KLF6: variants seen among roughly 807,000 people sequenced by gnomAD.
KLF6 encodes the protein Krueppel-like factor 6.
For synonymous variants in KLF6, 152 were observed against 147.9 expected (o/e 1.03, Z -0.20); for missense variants, 233 against 359.8 (o/e 0.65, Z 2.85).
At position 3,776,516 on chromosome 10, in the gene KLF6, A is replaced by G; in HGVS notation, c.*3023T>C. 1.9e-6 allele frequency: 1 copy of G among 529,526 alleles called. No individual in the cohort carries two copies. The highest frequency in any genetic ancestry group is 3.7e-6 in the Non-Finnish European group (1 of 273,352). The allele number at this position is 529,526 out of a possible 1,614,324, so 32.8% of individuals were successfully genotyped here. On this transcript the variant is annotated 3_prime_UTR_variant, in exon 4 of 4. Coordinates refer to ENST00000497571, the MANE Select transcript of KLF6 (RefSeq NM_001300.6). ...GAATGCAGGAGGAATCTGTTCCAAC[A>G]ACCCCCTTCCCCCAAAAAAAACAAC...
intron 1 of KLF6, among the ~76,000 whole-genome samples, chr10:3,783,613 C>A (rs1832581750): frequency 6.6e-6 from 1 of 152,176 alleles, no homozygotes; most frequent in Non-Finnish European, 1.5e-5. Flanking sequence ...CGAAACCAGG[C>A]GTCTGAGTTA....
chr10:3,777,704 G>C lies in KLF6; in HGVS notation c.*1835C>G, dbSNP rs759373766. The C allele has an allele frequency of 4.7e-6, 2 of 428,416 alleles. No homozygotes were observed. Among genetic ancestry groups the C allele is most frequent in the East Asian group, 5.5e-5 (1 of 18,236 alleles). 26.5% of individuals were successfully genotyped at this position (428,416 alleles called of 1,614,324 possible). On this transcript the variant is annotated 3_prime_UTR_variant, in exon 4 of 4. Coordinates refer to ENST00000497571, the MANE Select transcript of KLF6 (RefSeq NM_001300.6). ...TCTTCACAGGCTGTGGAATTTTCTA[G>C]CTAAACATTCTAGTTTCTCCTTAAA...
chr10:3,777,858 C>A lies in KLF6; in HGVS notation c.*1681G>T, dbSNP rs1014707725. On this transcript the variant is annotated 3_prime_UTR_variant, in exon 4 of 4. Coordinates refer to ENST00000497571, the MANE Select transcript of KLF6 (RefSeq NM_001300.6). ...AAAAAGTAGTATACTTTCTGTATTA[C>A]CAACAGATAGCTAGACAGATATGTG... 4.1e-6 allele frequency: 2 copies of A among 485,020 alleles called. No individual in the cohort carries two copies. The highest frequency in any genetic ancestry group is 8.1e-6 in the Non-Finnish European group (2 of 246,520). 30.0% of individuals were successfully genotyped at this position (485,020 alleles called of 1,614,324 possible).
Position 3,778,600 on chromosome 10 carries a change from G to C in KLF6, c.*939C>G, listed in dbSNP as rs1300400946. The C allele has an allele frequency of 5.8e-6, 3 of 514,678 alleles. No individual in the cohort carries two copies. The highest frequency in any genetic ancestry group is 5.7e-5 in the African/African-American group (3 of 52,740). The allele number at this position is 514,678 out of a possible 1,614,324, so 31.9% of individuals were successfully genotyped here. A position where few individuals can be genotyped will look rare whatever the true frequency, so the allele number is the denominator to read the frequency against. On this transcript the variant is annotated 3_prime_UTR_variant, in exon 4 of 4. Coordinates refer to ENST00000497571, the MANE Select transcript of KLF6 (RefSeq NM_001300.6). ...TGTGTTGCACAATGCCTTTCTGGAA[G>C]GGGAGTGTTACAAACTTGGAGGGGA...
In KLF6 at chr10:3,776,555, CTGA is replaced by C. The variant is rs895459544; in HGVS notation, c.*2981_*2983del. The C allele has an allele frequency of 2.5e-5, 13 of 526,418 alleles. No homozygotes were observed. Among genetic ancestry groups the C allele is most frequent in the Non-Finnish European group, 4.4e-5 (12 of 271,584 alleles). 32.6% of individuals were successfully genotyped at this position (526,418 alleles called of 1,614,324 possible). On this transcript the variant is annotated 3_prime_UTR_variant, in exon 4 of 4. Coordinates refer to ENST00000497571, the MANE Select transcript of KLF6 (RefSeq NM_001300.6). ...AAAAAAAACAACCAGACTCAAGATG[CTGA>C]TAAGAATTCTTTTATGTTATTCCAA...
chr10:3,778,279 G>A lies in KLF6; in HGVS notation c.*1260C>T, dbSNP rs1196425153. 1.1e-5 allele frequency: 6 copies of A among 526,652 alleles called. No homozygotes were observed. Among genetic ancestry groups the A allele is most frequent in the African/African-American group, 5.6e-5 (3 of 53,442 alleles). The allele number at this position is 526,652 out of a possible 1,614,324, so 32.6% of individuals were successfully genotyped here. A position where few individuals can be genotyped will look rare whatever the true frequency, so the allele number is the denominator to read the frequency against. On this transcript the variant is annotated 3_prime_UTR_variant, in exon 4 of 4. Transcript: ENST00000497571. ...GTATGAGACCCCCACAGAAGGGATCGCTTGCGTAAGGCACCATTATGAAGG... is the reference window on the plus strand; with the variant it reads ...GTATGAGACCCCCACAGAAGGGATCACTTGCGTAAGGCACCATTATGAAGG...
In KLF6 at chr10:3,785,150, C is replaced by A. The variant is rs1832624122; in HGVS notation, c.-136G>T. On this transcript the variant is annotated 5_prime_UTR_variant, in exon 1 of 4. Transcript: ENST00000497571. ...GGCTCGCAGAGACGCCCGGCCGGACCCTCCCGCAGCCCGCAGCGCGCGGAG... is the reference window on the plus strand; with the variant it reads ...GGCTCGCAGAGACGCCCGGCCGGACACTCCCGCAGCCCGCAGCGCGCGGAG... 1 of 1,513,598 alleles carries A rather than the reference C, an allele frequency of 6.6e-7. No individual in the cohort carries two copies. The highest frequency in any genetic ancestry group is 8.9e-7 in the Non-Finnish European group (1 of 1,123,340). 93.8% of individuals were successfully genotyped at this position (1,513,598 alleles called of 1,614,324 possible). A position where few individuals can be genotyped will look rare whatever the true frequency, so the allele number is the denominator to read the frequency against.
chr10:3,783,934 G>C (rs1832588787), intron 1 of KLF6, among the ~76,000 whole-genome samples: 1 of 152,154 alleles, frequency 6.6e-6, no homozygotes, highest in Non-Finnish European at 1.5e-5. Flanking sequence ...AACAGGAGGG[G>C]GAGGGGGAAA....
chr10:3,785,097 C>T lies in KLF6; in HGVS notation c.-83G>A, dbSNP rs1832622287. On this transcript the variant is annotated 5_prime_UTR_variant, in exon 1 of 4. Transcript: ENST00000497571. ...GCCGGAGCCGAAAGTCTCCCCGGAG[C>T]GCAGGTGAAAGTTTCATGCAAACTC... The T allele has an allele frequency of 1.3e-6, 2 of 1,592,428 alleles. No individual in the cohort carries two copies. Among genetic ancestry groups the T allele is most frequent in the African/African-American group, 1.3e-5 (1 of 74,646 alleles).
Position 3,779,029 on chromosome 10 carries a change from T to C in KLF6, c.*510A>G. ...TCCAAGATTTTCCTTCTTTTTTTGT[T>C]TTTGTTTTTTTGTTTTTTTGATTTT... On this transcript the variant is annotated 3_prime_UTR_variant, in exon 4 of 4. Coordinates refer to ENST00000497571, the MANE Select transcript of KLF6 (RefSeq NM_001300.6). The C allele has an allele frequency of 1.9e-6, 1 of 526,916 alleles. No homozygotes were observed. Among genetic ancestry groups the C allele is most frequent in the East Asian group, 3.9e-5 (1 of 25,742 alleles). 32.6% of individuals were successfully genotyped at this position (526,916 alleles called of 1,614,324 possible).
At position 3,780,374 on chromosome 10, in the gene KLF6, C is replaced by A; in HGVS notation, c.677-145G>T. 1 of 924,726 alleles carries A rather than the reference C, an allele frequency of 1.1e-6. No individual in the cohort carries two copies. The highest frequency in any genetic ancestry group is 1.7e-6 in the Non-Finnish European group (1 of 573,438). The allele number at this position is 924,726 out of a possible 1,614,324, so 57.3% of individuals were successfully genotyped here. A position where few individuals can be genotyped will look rare whatever the true frequency, so the allele number is the denominator to read the frequency against. ...TCGGTAACACACAACAACTGGCAGC[C>A]TCAGAGAGACAACAGCAGCTCTCTC... is the stretch of plus-strand genomic sequence containing the variant. On this transcript the variant is annotated intron_variant, in intron 2 of 3. Coordinates refer to ENST00000497571, the MANE Select transcript of KLF6 (RefSeq NM_001300.6). The surrounding 1 kb of genome is among the most constrained non-coding windows in gnomAD (Gnocchi z 4.6).
In KLF6 at chr10:3,778,799, G is replaced by GTT; in HGVS notation, c.*738_*739dup. 1 of 532,036 alleles carries GTT rather than the reference G, an allele frequency of 1.9e-6. No individual in the cohort carries two copies. Among genetic ancestry groups the GTT allele is most frequent in the Non-Finnish European group, 3.6e-6 (1 of 274,904 alleles). The allele number at this position is 532,036 out of a possible 1,614,324, so 33.0% of individuals were successfully genotyped here. On this transcript the variant is annotated 3_prime_UTR_variant, in exon 4 of 4. Transcript: ENST00000497571. The stretch of plus-strand genomic sequence containing the variant: ...TTGTATTCTAAGGAAAAGTTAAATT[G>GTT]TTGTGTTATATTTGTAAATACACAG...
Position 3,782,572 on chromosome 10 carries a change from C to T in KLF6, c.103-358G>A, listed in dbSNP as rs1167860326. Among the ~76,000 whole-genome samples, 5 of 152,208 alleles carry T rather than the reference C, an allele frequency of 3.3e-5. No individual in the cohort carries two copies. The highest frequency in any genetic ancestry group is 3.3e-4 in the Admixed American group (5 of 15,286). ...AGAGAACCGGCCCCATACACATACT[C>T]CTCCCCAACAGGTTCAACCAGATTA... On this transcript the variant is annotated intron_variant, in intron 1 of 3. Transcript: ENST00000497571. The surrounding 1 kb of genome is among the most constrained non-coding windows in gnomAD (Gnocchi z 4.3).
intron 1 of KLF6, among the ~76,000 whole-genome samples, chr10:3,784,427 A>G (rs1832601343): frequency 6.6e-6 from 1 of 152,206 alleles, no homozygotes; most frequent in South Asian, 2.1e-4. Context: ...GGCATTCCAA[A>G]GAGCAGAAAA....
rs1261212340 is a variant in KLF6 at position 3,778,584 on chromosome 10, C to A, written c.*955G>T. 2.1e-5 allele frequency: 11 copies of A among 517,462 alleles called. No homozygotes were observed. Among genetic ancestry groups the A allele is most frequent in the South Asian group, 1.7e-4 (11 of 64,194 alleles). The allele number at this position is 517,462 out of a possible 1,614,324, so 32.1% of individuals were successfully genotyped here. Reference sequence around the variant, plus strand: ...CATTTAAAAATAATCCTGTGTTGCACAATGCCTTTCTGGAAGGGGAGTGTT... The same window carrying A: ...CATTTAAAAATAATCCTGTGTTGCAAAATGCCTTTCTGGAAGGGGAGTGTT... On this transcript the variant is annotated 3_prime_UTR_variant, in exon 4 of 4. Coordinates refer to ENST00000497571, the MANE Select transcript of KLF6 (RefSeq NM_001300.6).
chr10:3,784,773 G>C, intron 1 of KLF6, 140 bp downstream of exon 1: 1 of 745,170 alleles, frequency 1.3e-6, no homozygotes, highest in Admixed American at 4.1e-5. Flanking sequence ...ATCGATCGGC[G>C]GGGGCGCTGC....
In KLF6 at chr10:3,785,167, C is replaced by T. The variant is rs1047327200; in HGVS notation, c.-153G>A. ...GGCCGGACCCTCCCGCAGCCCGCAG[C>T]GCGCGGAGCCCACACAATATTTGCA... is the stretch of plus-strand genomic sequence containing the variant. On this transcript the variant is annotated 5_prime_UTR_variant, in exon 1 of 4. Coordinates refer to ENST00000497571, the MANE Select transcript of KLF6 (RefSeq NM_001300.6). 6.9e-7 allele frequency: 1 copy of T among 1,457,844 alleles called. No homozygotes were observed. The highest frequency in any genetic ancestry group is 9.3e-7 in the Non-Finnish European group (1 of 1,075,696). The allele number at this position is 1,457,844 out of a possible 1,614,324, so 90.3% of individuals were successfully genotyped here.
In KLF6 at chr10:3,778,307, A is replaced by T. The variant is rs1832442010; in HGVS notation, c.*1232T>A. 1 of 527,052 alleles carries T rather than the reference A, an allele frequency of 1.9e-6. No individual in the cohort carries two copies. The highest frequency in any genetic ancestry group is 2.2e-5 in the Admixed American group (1 of 44,728). 32.6% of individuals were successfully genotyped at this position (527,052 alleles called of 1,614,324 possible). A position where few individuals can be genotyped will look rare whatever the true frequency, so the allele number is the denominator to read the frequency against. On this transcript the variant is annotated 3_prime_UTR_variant, in exon 4 of 4. Coordinates refer to ENST00000497571, the MANE Select transcript of KLF6 (RefSeq NM_001300.6). ...TGCGTAAGGCACCATTATGAAGGTC[A>T]ACAGTGCATTAACAGCTAGAAAACC...
rs144111350 is a variant in KLF6, at chr10:3,781,741, G to A, written c.576C>T (p.Ser192=). ...KPGDKGNGDA[S]PDGRRRVHRC... Reference sequence around the variant, plus strand: ...GGTGCACCCTCCTCCTGCCGTCGGGGGAGGCATCGCCATTTCCCTTGTCAC... The same window carrying A: ...GGTGCACCCTCCTCCTGCCGTCGGGAGAGGCATCGCCATTTCCCTTGTCAC... Residue 192 remains serine, a synonymous_variant, in exon 2 of 4, where the codon TCC becomes TCT. Transcript: ENST00000497571. The surrounding 1 kb of genome is among the most constrained non-coding windows in gnomAD (Gnocchi z 5.8). 1.2e-4 allele frequency: 198 copies of A among 1,614,094 alleles called. No individual in the cohort carries two copies. Among genetic ancestry groups the A allele is most frequent in the Middle Eastern group, 3.3e-4 (2 of 6,084 alleles).
Sources: gnomAD v4.1 joint callset for allele counts (sites outside exome capture counted in the v4.1 genomes callset) on GRCh38, gnomAD v4.1.1 for gene constraint, Gnocchi (gnomAD v3.1) non-coding constraint, MANE v1.5 for transcripts, NCBI Gene and HGNC (gene_info 2026-07-23, HGNC 2026-07-21) for gene names.